The following AUTS2 variants were observed in gnomAD, a reference collection of about 807,000 sequenced individuals.
AUTS2 encodes autism susceptibility gene 2 protein.
A neutral mutation model predicts 112.4 loss-of-function variants in AUTS2; 17 were observed. That is an observed-to-expected ratio of 0.15 (90% CI 0.10 to 0.23). The LOEUF (loss-of-function observed/expected upper bound fraction) is 0.23. AUTS2 is among the 10% of genes least tolerant of loss of function. The pLI is 1.00. For synonymous variants in AUTS2, 751 were observed against 702.7 expected (o/e 1.07, Z -1.09); for missense variants, 1,510 against 1,701.6 (o/e 0.89, Z 1.98).
intron 2 of AUTS2, among the ~76,000 whole-genome samples, chr7:70,086,640 CAAAAAA>C (rs71068015): frequency 6.0e-5 from 5 of 83,564 alleles, no homozygotes; most frequent in African/African-American, 1.7e-4. Flanking sequence ...GACTCCATCT[CAAAAAA>C]AAAAAAAAAA....
chr7:69,624,240 T>C (rs1314796985), intron 1 of AUTS2, among the ~76,000 whole-genome samples: 1 of 152,212 alleles, frequency 6.6e-6, no homozygotes, highest in Non-Finnish European at 1.5e-5. Flanking sequence ...CTGACTCTAA[T>C]AAACAAGTGA....
intron 2 of AUTS2, among the ~76,000 whole-genome samples, chr7:69,982,373 G>A (rs2129550345): frequency 6.6e-6 from 1 of 152,252 alleles, no homozygotes; most frequent in East Asian, 1.9e-4. Context: ...CTCTGGTGTA[G>A]AATTTGTCTA....
At chr7:69,607,844 A>T (rs560583097) in intron 1 of AUTS2, among the ~76,000 whole-genome samples, 28 of 152,364 alleles carry the variant, frequency 1.8e-4, no homozygotes, top group African/African-American at 6.7e-4. Context: ...TTTAAATTGC[A>T]AGTATTGTGT....
At chr7:70,736,882 G>C (rs1478087904) in intron 6 of AUTS2, among the ~76,000 whole-genome samples, 2 of 152,194 alleles carry the variant, frequency 1.3e-5, no homozygotes, top group Non-Finnish European at 2.9e-5. Context: ...GAAATAGGCT[G>C]TCCTGCTCCC....
At chr7:69,878,079 T>A (rs1450258215) in intron 1 of AUTS2, among the ~76,000 whole-genome samples, 1 of 151,998 alleles carries the variant, frequency 6.6e-6, no homozygotes, top group Non-Finnish European at 1.5e-5. Flanking sequence ...AAAGAGAGAA[T>A]GTGAGGGAGA....
intron 13 of AUTS2, among the ~76,000 whole-genome samples, chr7:70,776,266 C>T (rs745987501): frequency 2.7e-4 from 41 of 152,140 alleles, no homozygotes; most frequent in African/African-American, 5.8e-4. Context: ...TCACTGAGCG[C>T]GCACGCCGAG....
chr7:70,633,139 T>C lies in AUTS2; in HGVS notation c.691-65430T>C, dbSNP rs150178950. Among the ~76,000 whole-genome samples the C allele has an allele frequency of 1.6e-4, 25 of 152,284 alleles. 1 individual carries two copies. In the East Asian group the frequency reaches 1.7e-3, roughly 11 times the overall value. On this transcript the variant is annotated intron_variant, in intron 5 of 18. Transcript: ENST00000342771. ...GGGTCGCTTGGTGAAACACACCCTATATGAATGTGTTGGGAGAACCTAAAG... is the reference window on the plus strand; with the variant it reads ...GGGTCGCTTGGTGAAACACACCCTACATGAATGTGTTGGGAGAACCTAAAG...
At chr7:69,765,310 C>T (rs1247616724) in intron 1 of AUTS2, among the ~76,000 whole-genome samples, 1 of 152,120 alleles carries the variant, frequency 6.6e-6, no homozygotes, top group African/African-American at 2.4e-5. Flanking sequence ...ATGGTAGGTA[C>T]CTAGTGAGCA....
At chr7:69,793,310 A>C (rs1341190118) in intron 1 of AUTS2, among the ~76,000 whole-genome samples, 1 of 152,224 alleles carries the variant, frequency 6.6e-6, no homozygotes, top group African/African-American at 2.4e-5. Flanking sequence ...AAGTATATAA[A>C]AGCAGCAGTT....
chr7:70,172,931 T>C (rs1270575709), intron 4 of AUTS2, among the ~76,000 whole-genome samples: 1 of 152,226 alleles, frequency 6.6e-6, no homozygotes, highest in Non-Finnish European at 1.5e-5. Flanking sequence ...TTGATTTTGC[T>C]GCAAAGTATA....
intron 4 of AUTS2, among the ~76,000 whole-genome samples, chr7:70,181,491 T>TC: frequency 6.6e-6 from 1 of 151,918 alleles, no homozygotes. Context: ...ACTTTTTTTT[T>TC]TCTTTTTTTT....
At chr7:69,869,725 A>G (rs1369215652) in intron 1 of AUTS2, among the ~76,000 whole-genome samples, 8 of 152,186 alleles carry the variant, frequency 5.3e-5, no homozygotes, top group African/African-American at 1.7e-4. Context: ...GGCAAAGTCA[A>G]TGACTGAATT....
intron 5 of AUTS2, among the ~76,000 whole-genome samples, chr7:70,629,846 G>A (rs1047577497): frequency 2.0e-4 from 30 of 151,524 alleles, no homozygotes; most frequent in Non-Finnish European, 4.3e-4. Flanking sequence ...AAATAAAAAT[G>A]CTCTCATATT....
chr7:70,321,267 C>T (rs553874748), intron 4 of AUTS2, among the ~76,000 whole-genome samples: 2 of 152,290 alleles, frequency 1.3e-5, no homozygotes. Context: ...AACCTCTAAG[C>T]AATGGTGCTT....
intron 1 of AUTS2, among the ~76,000 whole-genome samples, chr7:69,696,994 G>T (rs2129184194): frequency 6.6e-6 from 1 of 152,312 alleles, no homozygotes; most frequent in Middle Eastern, 3.4e-3. Flanking sequence ...TCACTTCTAA[G>T]GGATAGGTTA....
intron 1 of AUTS2, among the ~76,000 whole-genome samples, chr7:69,857,426 C>T (rs1209527952): frequency 1.3e-5 from 2 of 152,192 alleles, no homozygotes; most frequent in African/African-American, 2.4e-5. Context: ...GTCTGGCATT[C>T]GACCTGCCTG....
chr7:70,482,739 A>G (rs1797838959), intron 5 of AUTS2, among the ~76,000 whole-genome samples: 1 of 152,174 alleles, frequency 6.6e-6, no homozygotes, highest in Non-Finnish European at 1.5e-5. Context: ...TTCATGCTTG[A>G]AAGTGGGCTG....
chr7:70,262,199 T>C (rs1266449163), intron 4 of AUTS2, among the ~76,000 whole-genome samples: 1 of 152,230 alleles, frequency 6.6e-6, no homozygotes, highest in Non-Finnish European at 1.5e-5. Flanking sequence ...TTTTTGTTGT[T>C]GTTGTTCTGA....
chr7:70,575,304 C>A (rs1802113329), intron 5 of AUTS2, among the ~76,000 whole-genome samples: 1 of 150,640 alleles, frequency 6.6e-6, no homozygotes, highest in African/African-American at 2.5e-5. Flanking sequence ...TGAGCAGGCA[C>A]ATGGGGCACC....
Sources: allele counts gnomAD v4.1 joint callset (sites outside exome capture counted in the v4.1 genomes callset), GRCh38; gene constraint gnomAD v4.1.1; transcripts MANE v1.5; gene names NCBI Gene and HGNC (gene_info 2026-07-23, HGNC 2026-07-21).